INVS: variants seen among roughly 807,000 people sequenced by gnomAD.
INVS encodes the protein inversin, also known as inversion of embryo turning homolog.
Under a neutral mutation model 108.8 loss-of-function variants are expected in INVS, and 86 were observed. The observed-to-expected ratio is 0.79, with a 90% CI of 0.66 to 0.95. The LOEUF (loss-of-function observed/expected upper bound fraction) is 0.95. INVS is among the 40% of genes least tolerant of loss of function. The pLI, the probability that INVS is intolerant of heterozygous loss-of-function variation, is 0.00. For missense variants in INVS, 1,169 were observed against 1,297.4 expected (o/e 0.90, Z 1.52); for synonymous variants, 455 against 473.5 (o/e 0.96, Z 0.51).
chr9:100,230,893 G>A (rs2787365), intron 5 of INVS, among the ~76,000 whole-genome samples: 48,310 of 152,088 alleles, frequency 0.32, 8,807 homozygotes, highest in Non-Finnish European at 0.43. Context: ...TCCATCTTAC[G>A]AATAAGCCAC....
chr9:100,201,453 A>T (rs192000181), intron 3 of INVS, among the ~76,000 whole-genome samples: 18 of 152,352 alleles, frequency 1.2e-4, no homozygotes, highest in African/African-American at 3.8e-4. Flanking sequence ...CAGAAACATG[A>T]TGGACAATTG....
intron 2 of INVS, among the ~76,000 whole-genome samples, chr9:100,107,955 A>G (rs1827229221): frequency 6.6e-6 from 1 of 152,140 alleles, no homozygotes; most frequent in Non-Finnish European, 1.5e-5. Flanking sequence ...GTAGTCTATA[A>G]TCATCTTGAG....
chr9:100,270,389 T>C (rs1832913914), intron 11 of INVS, among the ~76,000 whole-genome samples: 1 of 152,096 alleles, frequency 6.6e-6, no homozygotes, highest in African/African-American at 2.4e-5. Context: ...GGCAGAAGGA[T>C]TGCTTGAGCT....
At chr9:100,280,205 T>C (rs946017369) in intron 12 of INVS, among the ~76,000 whole-genome samples, 3 of 152,176 alleles carry the variant, frequency 2.0e-5, no homozygotes, top group African/African-American at 7.2e-5. Context: ...TGCCCCACAA[T>C]AGCCCTCCAG....
intron 7 of INVS, 44 bp downstream of exon 7, chr9:100,242,723 T>C: frequency 8.7e-7 from 1 of 1,142,896 alleles, no homozygotes; most frequent in Non-Finnish European, 1.3e-6. Flanking sequence ...GTGAAAATTG[T>C]TATTTTTATA....
At chr9:100,209,031 C>T (rs1313517772) in intron 3 of INVS, among the ~76,000 whole-genome samples, 1 of 152,016 alleles carries the variant, frequency 6.6e-6, no homozygotes, top group Non-Finnish European at 1.5e-5. Context: ...CAATGAAGTG[C>T]CCAGATCTGA....
intron 12 of INVS, among the ~76,000 whole-genome samples, chr9:100,283,935 A>T (rs1230538505): frequency 6.6e-6 from 1 of 152,288 alleles, no homozygotes; most frequent in East Asian, 1.9e-4. Context: ...CATTCTCGGT[A>T]GCATTCTGGT....
chr9:100,165,146 A>G (rs1259942191), intron 3 of INVS, among the ~76,000 whole-genome samples: 3 of 151,070 alleles, frequency 2.0e-5, no homozygotes. Flanking sequence ...ATATGTATTT[A>G]TGGGGTACAT....
chr9:100,227,682 T>C (rs1360116055), intron 4 of INVS, among the ~76,000 whole-genome samples: 2 of 151,110 alleles, frequency 1.3e-5, no homozygotes, highest in African/African-American at 4.9e-5. Context: ...AGAGGATTCT[T>C]GTGCTTGTAA....
intron 3 of INVS, among the ~76,000 whole-genome samples, chr9:100,197,823 C>G (rs766119442): frequency 1.3e-5 from 2 of 152,100 alleles, no homozygotes; most frequent in Non-Finnish European, 2.9e-5. Flanking sequence ...CAAGGTAGGT[C>G]AGAGAATTTC....
chr9:100,273,118 T>A, intron 12 of INVS, 42 bp downstream of exon 12: 2 of 1,494,532 alleles, frequency 1.3e-6, no homozygotes, highest in Non-Finnish European at 1.9e-6. Flanking sequence ...CCACCCAGAA[T>A]CAGGGTGGAA....
intron 15 of INVS, 67 bp from the exon 16 acceptor site, chr9:100,297,869 T>G: frequency 6.6e-7 from 1 of 1,506,688 alleles, no homozygotes; most frequent in South Asian, 1.1e-5. Context: ...CAATAAGGAA[T>G]TCAGAAGTTG....
chr9:100,288,302 C>G (rs1489167148), intron 13 of INVS, among the ~76,000 whole-genome samples: 1 of 152,128 alleles, frequency 6.6e-6, no homozygotes, highest in Non-Finnish European at 1.5e-5. Flanking sequence ...CTTTCTCAGC[C>G]TATCTCCTGA....
chr9:100,105,701 G>A (rs139056342), intron 2 of INVS, among the ~76,000 whole-genome samples: 145 of 152,128 alleles, frequency 9.5e-4, no homozygotes, highest in African/African-American at 3.4e-3. Context: ...ACTTACTGAT[G>A]ACAAACAATA....
intron 2 of INVS, among the ~76,000 whole-genome samples, chr9:100,110,601 CTG>C (rs1015917790): frequency 7.4e-4 from 112 of 152,228 alleles, no homozygotes; most frequent in African/African-American, 2.6e-3. Flanking sequence ...TTCTGGCAAT[CTG>C]GTAAGCTTCT....
intron 3 of INVS, among the ~76,000 whole-genome samples, chr9:100,147,803 C>T (rs1828666328): frequency 6.6e-6 from 1 of 151,958 alleles, no homozygotes; most frequent in Non-Finnish European, 1.5e-5. Context: ...AATGAAAATA[C>T]CTTCAAGATG....
intron 3 of INVS, among the ~76,000 whole-genome samples, chr9:100,143,971 G>A (rs144340461): frequency 0.21 from 31,915 of 152,056 alleles, 5,707 homozygotes; most frequent in African/African-American, 0.49. Flanking sequence ...CTGCTAAGCC[G>A]AGAAGATCTG....
chr9:100,251,459 A>C (rs900281634), intron 8 of INVS, among the ~76,000 whole-genome samples: 2 of 152,262 alleles, frequency 1.3e-5, no homozygotes, highest in African/African-American at 2.4e-5. Context: ...GTCAGTGTAC[A>C]TGAAACACAT....
chr9:100,152,644 A>G (rs1828843583), intron 3 of INVS, among the ~76,000 whole-genome samples: 1 of 152,172 alleles, frequency 6.6e-6, no homozygotes, highest in African/African-American at 2.4e-5. Context: ...AATTTTTAGT[A>G]TTTAATATGT....
Sources: allele counts gnomAD v4.1 joint callset (sites outside exome capture counted in the v4.1 genomes callset), GRCh38; gene constraint gnomAD v4.1.1; transcripts MANE v1.5; gene names NCBI Gene and HGNC (gene_info 2026-07-23, HGNC 2026-07-21).